Variants in APOB observed in about 807,000 individuals in gnomAD.
APOB encodes the protein apolipoprotein B-100.
Under a neutral mutation model 314.1 loss-of-function variants are expected in APOB, and 153 were observed. That is an observed-to-expected ratio of 0.49 (90% CI 0.43 to 0.56). The LOEUF is 0.56. Among genes scored for constraint, APOB ranks in the 20% least tolerant of loss-of-function variants. The pLI, the probability that APOB is intolerant of heterozygous loss-of-function variation, is 0.00. For missense variants in APOB, 5,430 were observed against 5,350.7 expected (o/e 1.01, Z -0.46); for synonymous variants, 2,087 against 2,036.4 (o/e 1.02, Z -0.67).
At chr2:21,042,291 G>A in intron 3 of APOB, 70 bp downstream of exon 3, 3 of 1,211,718 alleles carry the variant, frequency 2.5e-6, no homozygotes, top group South Asian at 1.2e-5. Context: ...GTCGCGTGTT[G>A]GGCGCCCGCT....
rs745488567 is a variant in APOB, at chr2:21,028,034, C to T, written c.1861G>A (p.Glu621Lys). ...LKKLVKEALK[E>K]SQLPTVMDFR... Reference sequence around the variant, plus strand: ...TCCATGACAGTTGGAAGTTGAGATTCTTTCAGAGCTTCTTTCACTAACTTT... The same window carrying T: ...TCCATGACAGTTGGAAGTTGAGATTTTTTCAGAGCTTCTTTCACTAACTTT... Residue 621 changes from glutamate to lysine, a missense_variant, in exon 14 of 29, where the codon GAA (glutamate) becomes AAA (lysine). Glu to Lys is a moderately conservative substitution (Grantham distance 56, BLOSUM62 1). Around this residue, in one of 3 missense-constraint regions of APOB, gnomAD observed 2,085 missense variants for 2,079.7 expected, o/e 1.00. Coordinates refer to ENST00000233242, the MANE Select transcript of APOB (RefSeq NM_000384.3). The T allele has an allele frequency of 6.2e-7, 1 of 1,613,236 alleles. No homozygotes were observed. Among genetic ancestry groups the T allele is most frequent in the East Asian group, 2.2e-5 (1 of 44,866 alleles).
rs781402806 is a variant in APOB at position 21,002,778 on chromosome 2, T to C, written c.12644A>G (p.Glu4215Gly). ...CTCCCTTATGAACATAGTGCAAAGT[T>C]CCTCCCTAGTGTATATCCCAGGTTT... ...PGKPGIYTRE[E>G]LCTMFIREVG... The change falls in exon 29 of 29, where the codon GAA becomes GGA. Residue 4215 changes from glutamate to glycine, a missense_variant. Around this residue, in one of 3 missense-constraint regions of APOB, gnomAD observed 3,281 missense variants for 3,171.0 expected, o/e 1.03. Coordinates refer to ENST00000233242, the MANE Select transcript of APOB (RefSeq NM_000384.3). 6.2e-7 allele frequency: 1 copy of C among 1,608,056 alleles called. No homozygotes were observed. The highest frequency in any genetic ancestry group is 2.2e-5 in the East Asian group (1 of 44,800).
chr2:21,041,562 C>T (rs1216259819), intron 3 of APOB, among the ~76,000 whole-genome samples: 2 of 152,216 alleles, frequency 1.3e-5, no homozygotes, highest in African/African-American at 2.4e-5. Context: ...GGAGTTTCAA[C>T]GGATTCCTAC....
At chr2:21,024,091 C>T (rs1157341423) in intron 16 of APOB, 1 of 158,894 alleles carries the variant, frequency 6.3e-6, no homozygotes, top group East Asian at 1.8e-4. Context: ...AACCAAAGGC[C>T]TATTGAGATG....
intron 10 of APOB, 62 bp downstream of exon 10, chr2:21,032,292 A>G: frequency 1.4e-6 from 2 of 1,419,682 alleles, no homozygotes; most frequent in Non-Finnish European, 2.0e-6. Flanking sequence ...TAATACAGAG[A>G]TGCACAGAGG....
chr2:21,027,374 C>T (rs1321233501), intron 14 of APOB, among the ~76,000 whole-genome samples: 1 of 137,900 alleles, frequency 7.3e-6, no homozygotes, highest in Non-Finnish European at 1.5e-5. Flanking sequence ...CGCAGTGGCG[C>T]AATCTCTCGG....
At position 21,005,219 on chromosome 2, in the gene APOB, C is replaced by T. The variant is rs1429161940; in HGVS notation, c.11649G>A (p.Leu3883=). ...GAGAGTCTACCTCAAAGCGTGCAGT[C>T]AGTGCTTGAAAGGAAGGAATGACAA... The part of the protein sequence containing the change: ...AGIVIPSFQA[L]TARFEVDSPV... Residue 3883 remains leucine (L), a synonymous_variant, in exon 26 of 29, where the codon CTG becomes CTA. Coordinates refer to ENST00000233242, the MANE Select transcript of APOB (RefSeq NM_000384.3). 1 of 1,613,910 alleles carries T rather than the reference C, an allele frequency of 6.2e-7. No individual in the cohort carries two copies. Among genetic ancestry groups the T allele is most frequent in the Non-Finnish European group, 8.5e-7 (1 of 1,179,962 alleles).
In APOB at chr2:21,035,652, G is replaced by T; in HGVS notation, c.750C>A (p.Asp250Glu). The change falls in exon 7 of 29, where the codon GAC becomes GAA. Residue 250 changes from aspartate (D) to glutamate (E), a missense_variant. Transcript: ENST00000233242. ...SSSQSCQYTL[D>E]AKRKHVAEAI... ...CTTCTGCCACATGCTTCCTCTTAGC[G>T]TCCAGTGTGTACTGACAGGACTGGC... 1 of 1,614,052 alleles carries T rather than the reference G, an allele frequency of 6.2e-7. No individual in the cohort carries two copies. The highest frequency in any genetic ancestry group is 8.5e-7 in the Non-Finnish European group (1 of 1,179,982).
In APOB at chr2:21,010,306, T is replaced by C; in HGVS notation, c.6562A>G (p.Ser2188Gly). The change falls in exon 26 of 29, where the codon AGT (serine) becomes GGT (glycine). Residue 2188 changes from serine to glycine, a missense_variant. This residue lies in a region of APOB where 3,281 missense variants were observed against 3,171.0 expected (regional missense o/e 1.03). Coordinates refer to ENST00000233242, the MANE Select transcript of APOB (RefSeq NM_000384.3). ...ATTTTCAAATCATGTAAATCATAAC[T>C]ATCTTTAATATACTGATCAAATTGT... is the stretch of plus-strand genomic sequence containing the variant. ...MIQFDQYIKD[S>G]YDLHDLKIAI... The C allele has an allele frequency of 6.5e-7, 1 of 1,547,298 alleles. No individual in the cohort carries two copies. Among genetic ancestry groups the C allele is most frequent in the Non-Finnish European group, 8.7e-7 (1 of 1,149,096 alleles).
chr2:21,002,170 G>A lies in APOB; in HGVS notation c.13252C>T (p.Leu4418Phe). The change falls in exon 29 of 29, where the codon CTT becomes TTT. Residue 4418 changes from leucine to phenylalanine, a missense_variant. By Grantham distance (22) the Leu-to-Phe change is conservative. Coordinates refer to ENST00000233242, the MANE Select transcript of APOB (RefSeq NM_000384.3). ...VSLIKNLLVA[L>F]KDFHSEYIVS... ...ATATATTCAGAATGGAAGTCCTTAA[G>A]AGCAACTAACAGGTTCTTGATCAGA... The A allele has an allele frequency of 6.2e-7, 1 of 1,613,952 alleles. No individual in the cohort carries two copies. The highest frequency in any genetic ancestry group is 8.5e-7 in the Non-Finnish European group (1 of 1,179,952).
chr2:21,035,074 G>A (rs749190907), intron 7 of APOB, among the ~76,000 whole-genome samples, 173 bp from the exon 8 acceptor site: 5 of 152,150 alleles, frequency 3.3e-5, no homozygotes, highest in African/African-American at 7.2e-5. Context: ...TCCTGGTCAC[G>A]CTAGTTATCC....
At chr2:21,020,259 G>T (rs1663575315) in intron 18 of APOB, among the ~76,000 whole-genome samples, 1 of 152,180 alleles carries the variant, frequency 6.6e-6, no homozygotes, top group African/African-American at 2.4e-5. Flanking sequence ...CAGGGCAAGA[G>T]AAACTGTCTC....
At chr2:21,036,999 G>T in intron 6 of APOB, 101 bp downstream of exon 6, 1 of 1,450,960 alleles carries the variant, frequency 6.9e-7, no homozygotes, top group Non-Finnish European at 9.5e-7. Context: ...AACAGCCAGG[G>T]CAGGCTGTCC....
In APOB at chr2:21,015,387, C is replaced by G. The variant is rs759845943; in HGVS notation, c.3491G>C (p.Arg1164Thr). Residue 1164 changes from arginine to threonine, a missense_variant, in exon 22 of 29, where the codon AGG becomes ACG. Physicochemically the swap from Arg to Thr is moderately conservative, Grantham distance 71 (BLOSUM62 -1). Around this residue, in one of 3 missense-constraint regions of APOB, gnomAD observed 2,085 missense variants for 2,079.7 expected, o/e 1.00. Transcript: ENST00000233242. ...ATAYGSTVSK[R>T]VAWHYDEEKI... ...ACACATACCATAATGCCATGCCACC[C>G]TCTTGGAAACTGTGGAGCCATAAGC... 10 of 1,614,094 alleles carry G rather than the reference C, an allele frequency of 6.2e-6. No individual in the cohort carries two copies. The highest frequency in any genetic ancestry group is 3.3e-5 in the Admixed American group (2 of 60,010).
chr2:21,028,980 G>C (rs1335883757), intron 12 of APOB, among the ~76,000 whole-genome samples: 1 of 152,158 alleles, frequency 6.6e-6, no homozygotes, highest in Non-Finnish European at 1.5e-5. Context: ...AGCTTATTGG[G>C]GGAAAATTAA....
At chr2:21,004,795 A>C (rs1253305679) in intron 26 of APOB, 120 bp from the exon 27 acceptor site, 20 of 816,818 alleles carry the variant, frequency 2.4e-5, no homozygotes, top group Non-Finnish European at 4.1e-5. Context: ...TAAAATATGC[A>C]ATGTACAGCT....
At position 21,032,499 on chromosome 2, in the gene APOB, C is replaced by A. The variant is rs755698154; in HGVS notation, c.1207G>T (p.Ala403Ser). The change falls in exon 10 of 29, where the codon GCC (alanine) becomes TCC (serine). Residue 403 changes from alanine to serine, a missense_variant. Ala to Ser is a moderately conservative substitution (Grantham distance 99). Coordinates refer to ENST00000233242, the MANE Select transcript of APOB (RefSeq NM_000384.3). ...HILQWLKRVHANPLLIDVVTY... is the reference protein window; with the variant it reads ...HILQWLKRVHSNPLLIDVVTY... ...ACCACATCTATCAGAAGGGGGTTGGCATGCACACGTTTCAGCCACTGGAGG... is the reference window on the plus strand; with the variant it reads ...ACCACATCTATCAGAAGGGGGTTGGAATGCACACGTTTCAGCCACTGGAGG... The A allele has an allele frequency of 9.9e-6, 16 of 1,614,162 alleles. No individual in the cohort carries two copies. The East Asian group carries it at 3.6e-4, about 36-fold the overall frequency.
chr2:21,014,185 T>G (rs1435972348), intron 24 of APOB, among the ~76,000 whole-genome samples: 4 of 152,350 alleles, frequency 2.6e-5, no homozygotes, highest in Admixed American at 2.6e-4. Flanking sequence ...AGAATTTGCT[T>G]ATAACAGGTT....
intron 24 of APOB, among the ~76,000 whole-genome samples, chr2:21,013,885 A>G (rs1389912879): frequency 6.6e-6 from 1 of 152,210 alleles, no homozygotes; most frequent in Non-Finnish European, 1.5e-5. Context: ...TCTCCATGGT[A>G]TCTTCTTGAA....
Sources: allele counts gnomAD v4.1 joint callset (sites outside exome capture counted in the v4.1 genomes callset), GRCh38; gene constraint gnomAD v4.1.1; regional missense constraint gnomAD v4.1.1; transcripts MANE v1.5; gene names NCBI Gene and HGNC (gene_info 2026-07-23, HGNC 2026-07-21).